RFWD3: variants seen among roughly 807,000 people sequenced by gnomAD.
The protein encoded by RFWD3 is ring finger and WD repeat domain 3, also known as E3 ubiquitin-protein ligase RFWD3.
RFWD3 carries 65 observed loss-of-function variants against 87.7 expected under a neutral mutation model. The ratio of observed to expected loss-of-function variants is 0.74; its 90% CI spans 0.61 to 0.91. The LOEUF (loss-of-function observed/expected upper bound fraction) is 0.91, where lower values mean the gene tolerates loss of function less well. Among genes scored for constraint, RFWD3 ranks in the 40% least tolerant of loss-of-function variants. RFWD3 has a pLI of 0.00. For synonymous variants in RFWD3, 433 were observed against 352.8 expected (o/e 1.23, Z -2.55); for missense variants, 1,078 against 938.5 (o/e 1.15, Z -1.94).
chr16:74,656,715 C>A (rs1357176298), intron 2 of RFWD3, among the ~76,000 whole-genome samples: 2 of 152,164 alleles, frequency 1.3e-5, no homozygotes, highest in Non-Finnish European at 1.5e-5. Flanking sequence ...GCTTCAGCCC[C>A]CCAAAGTGCT....
chr16:74,647,385 T>C (rs1338460044), intron 4 of RFWD3, among the ~76,000 whole-genome samples: 1 of 152,080 alleles, frequency 6.6e-6, no homozygotes, highest in Non-Finnish European at 1.5e-5. Context: ...CCTCTCAGAT[T>C]CAAGTGACTC....
Position 74,626,501 on chromosome 16 carries a change from C to G in RFWD3, c.2023G>C (p.Asp675His), listed in dbSNP as rs138963177. The change falls in exon 12 of 13, where the codon GAT (aspartate) becomes CAT (histidine). Residue 675 changes from aspartate (D) to histidine (H), a missense_variant. Coordinates refer to ENST00000361070, the MANE Select transcript of RFWD3 (RefSeq NM_018124.4). ...SVLMEMSYRL[D>H]DTGNPICSCQ... ...GAGCAGATTGGATTTCCAGTGTCAT[C>G]CAGTCGGTAGGACATTTCCATCAGC... is the stretch of plus-strand genomic sequence containing the variant. The G allele has an allele frequency of 1.9e-6, 3 of 1,614,104 alleles. No individual in the cohort carries two copies. Among genetic ancestry groups the G allele is most frequent in the African/African-American group, 2.7e-5 (2 of 75,018 alleles).
At chr16:74,645,805 T>G (rs2144212963) in intron 4 of RFWD3, among the ~76,000 whole-genome samples, 1 of 132,906 alleles carries the variant, frequency 7.5e-6, no homozygotes, top group South Asian at 2.5e-4. Flanking sequence ...CAGGCTGGAG[T>G]GTAGCGGCAG....
intron 2 of RFWD3, among the ~76,000 whole-genome samples, chr16:74,653,713 T>C (rs1597450055): frequency 6.6e-6 from 1 of 152,282 alleles, no homozygotes; most frequent in Non-Finnish European, 1.5e-5. Flanking sequence ...CTAGAAGTTT[T>C]AATAATTATG....
rs776568931 is a variant in RFWD3 at position 74,637,904 on chromosome 16, T to C, written c.1146A>G (p.Gln382=). Residue 382 remains glutamine (Q), a synonymous_variant, in exon 7 of 13, where the codon CAA becomes CAG. Transcript: ENST00000361070. ...AELESAQCRL[Q]LQVLTDKCTR... ...TGCACTTATCAGTGAGGACCTGCAG[T>C]TGGAGTCGGCACTGTGCTGATTCTA... 2.5e-6 allele frequency: 4 copies of C among 1,612,788 alleles called. No individual in the cohort carries two copies. The highest frequency in any genetic ancestry group is 1.3e-5 in the African/African-American group (1 of 74,902).
intron 4 of RFWD3, among the ~76,000 whole-genome samples, chr16:74,648,877 G>A (rs1960367949): frequency 6.6e-6 from 1 of 152,098 alleles, no homozygotes; most frequent in South Asian, 2.1e-4. Context: ...CTTGAGCCCA[G>A]GAGTTCGAAA....
In RFWD3 at chr16:74,652,343, C is replaced by T. The variant is rs1299835315; in HGVS notation, c.519-221G>A. 3.3e-5 allele frequency among the ~76,000 whole-genome samples: 5 copies of T among 151,906 alleles called. No homozygotes were observed. In the Admixed American group the frequency reaches 3.3e-4, roughly 10 times the overall value. On this transcript the variant is annotated intron_variant, in intron 2 of 12. Coordinates refer to ENST00000361070, the MANE Select transcript of RFWD3 (RefSeq NM_018124.4). Reference sequence around the variant, plus strand: ...ACTGCTACATTAGCCCACAAAGGAGCTTGATCCTTCCGTTAAAAGCTAATT... The same window carrying T: ...ACTGCTACATTAGCCCACAAAGGAGTTTGATCCTTCCGTTAAAAGCTAATT...
intron 11 of RFWD3, among the ~76,000 whole-genome samples, chr16:74,627,755 A>T (rs1484095164): frequency 6.6e-6 from 1 of 152,158 alleles, no homozygotes; most frequent in Non-Finnish European, 1.5e-5. Flanking sequence ...AGGACAGAGG[A>T]GTATCCTGTG....
At chr16:74,637,066 C>T (rs1392439073) in intron 7 of RFWD3, among the ~76,000 whole-genome samples, 2 of 128,406 alleles carry the variant, frequency 1.6e-5, no homozygotes, top group East Asian at 4.6e-4. Flanking sequence ...AAGGAGAGCA[C>T]AGAATCATAA....
At chr16:74,663,954 C>T (rs906515480) in intron 1 of RFWD3, among the ~76,000 whole-genome samples, 2 of 152,200 alleles carry the variant, frequency 1.3e-5, no homozygotes, top group African/African-American at 4.8e-5. Flanking sequence ...TACTCAAACA[C>T]CAGCCAGCTA....
chr16:74,639,100 G>A (rs553182267), intron 6 of RFWD3, among the ~76,000 whole-genome samples: 8 of 148,178 alleles, frequency 5.4e-5, no homozygotes, highest in East Asian at 2.0e-4. Flanking sequence ...GAGCAGTGGC[G>A]TGATCCAGGC....
chr16:74,644,185 A>C (rs1028774354), intron 6 of RFWD3, 177 bp downstream of exon 6: 4 of 666,564 alleles, frequency 6.0e-6, no homozygotes, highest in African/African-American at 1.8e-5. Flanking sequence ...TTCCTTAAGA[A>C]GATGATCAGA....
At chr16:74,660,196 C>G (rs996617850) in intron 2 of RFWD3, among the ~76,000 whole-genome samples, 1 of 152,164 alleles carries the variant, frequency 6.6e-6, no homozygotes, top group African/African-American at 2.4e-5. Flanking sequence ...TTATGAGACC[C>G]TGAACAAAGC....
chr16:74,661,994 C>T (rs1597461403), intron 1 of RFWD3, among the ~76,000 whole-genome samples: 1 of 151,964 alleles, frequency 6.6e-6, no homozygotes, highest in South Asian at 2.1e-4. Context: ...TTTATCCTAT[C>T]CCTTTCATTA....
In RFWD3 at chr16:74,624,027, G is replaced by C. The variant is rs145714627; in HGVS notation, c.2226C>G (p.Thr742=). 1 of 1,613,814 alleles carries C rather than the reference G, an allele frequency of 6.2e-7. No individual in the cohort carries two copies. The highest frequency in any genetic ancestry group is 1.3e-5 in the African/African-American group (1 of 74,846). Residue 742 remains threonine (T), a synonymous_variant, in exon 13 of 13, where the codon ACC becomes ACG. Transcript: ENST00000361070. ...GGCAGATGTCCAACACAGGCTGATC[G>C]GTCTGTAGGTCCTGGAGCAACGAGC... ...ASGSLLQDLQ[T]DQPVLDICPF...
At chr16:74,643,083 G>C (rs1208866711) in intron 6 of RFWD3, among the ~76,000 whole-genome samples, 1 of 152,142 alleles carries the variant, frequency 6.6e-6, no homozygotes, top group Non-Finnish European at 1.5e-5. Flanking sequence ...GACCAAATGA[G>C]TAAAAACAAG....
Position 74,644,627 on chromosome 16 carries a change from G to A in RFWD3, c.901C>T (p.Arg301Trp), listed in dbSNP as rs1336580643. 10 of 1,614,120 alleles carry A rather than the reference G, an allele frequency of 6.2e-6. No homozygotes were observed. Among genetic ancestry groups the A allele is most frequent in the African/African-American group, 1.3e-5 (1 of 75,028 alleles). ...TGCCCACAGCGTAATGCTGAGAGCCGGTGGTCCCCAGCATTGGTCCACTGT... is the reference window on the plus strand; with the variant it reads ...TGCCCACAGCGTAATGCTGAGAGCCAGTGGTCCCCAGCATTGGTCCACTGT... ...LEQWTNAGDH[R>W]LSALRCGHLF... is the part of the protein sequence containing the mutation. The change falls in exon 5 of 13, where the codon CGG becomes TGG. Residue 301 changes from arginine to tryptophan, a missense_variant. Coordinates refer to ENST00000361070, the MANE Select transcript of RFWD3 (RefSeq NM_018124.4).
chr16:74,650,050 CTAA>C (rs1960450615), intron 3 of RFWD3, among the ~76,000 whole-genome samples: 2 of 152,192 alleles, frequency 1.3e-5, no homozygotes, highest in South Asian at 4.1e-4. Flanking sequence ...TGGGCAACCA[CTAA>C]TATTATCTCT....
In RFWD3 at chr16:74,630,833, CAT is replaced by C. The variant is rs750061578; in HGVS notation, c.1700_1701del (p.Tyr567Ter). On this transcript the variant is annotated frameshift_variant, in exon 10 of 13. Coordinates refer to ENST00000361070, the MANE Select transcript of RFWD3 (RefSeq NM_018124.4). LOFTEE classifies it high-confidence loss of function. ...AGLANGSILV[Y>X]DVRNTSSHVQ... is the part of the protein sequence containing the mutation. ...ACATGACTGCTCGTGTTTCGCACGT[CAT>C]ATACCAGAATTGAACCATTGGCCAG... The C allele has an allele frequency of 6.2e-7, 1 of 1,613,566 alleles. No homozygotes were observed. The highest frequency in any genetic ancestry group is 8.5e-7 in the Non-Finnish European group (1 of 1,179,892).
Sources: allele counts gnomAD v4.1 joint callset (sites outside exome capture counted in the v4.1 genomes callset), GRCh38; gene constraint gnomAD v4.1.1; transcripts MANE v1.5; gene names NCBI Gene and HGNC (gene_info 2026-07-23, HGNC 2026-07-21).